Variants in SDHAF4 observed in about 807,000 individuals in gnomAD.
SDHAF4 encodes the protein succinate dehydrogenase complex assembly factor 4, also known as succinate dehydrogenase assembly factor 4, mitochondrial.
SDHAF4 carries 14 observed loss-of-function variants against 14.3 expected under a neutral mutation model. That is an observed-to-expected ratio of 0.98 (90% CI 0.65 to 1.53). The LOEUF (loss-of-function observed/expected upper bound fraction) is 1.53, where lower values mean the gene tolerates loss of function less well. Ranked by LOEUF, SDHAF4 falls within the 40% of genes most tolerant of loss-of-function variation. The probability of loss-of-function intolerance (pLI) is 0.00; values close to 1 mark genes in which losing one functional copy is unlikely to be tolerated. For missense variants in SDHAF4, 141 were observed against 129.3 expected (o/e 1.09, Z -0.44); for synonymous variants, 63 against 47.3 (o/e 1.33, Z -1.36).
At chr6:70,569,979 G>A (rs558921878) in intron 1 of SDHAF4, among the ~76,000 whole-genome samples, 1 of 152,038 alleles carries the variant, frequency 6.6e-6, no homozygotes, top group Non-Finnish European at 1.5e-5. Context: ...CTTGTCCCAG[G>A]TTCATGTATT....
intron 1 of SDHAF4, among the ~76,000 whole-genome samples, chr6:70,569,099 G>A (rs1464159634): frequency 1.3e-5 from 2 of 149,978 alleles, no homozygotes; most frequent in East Asian, 3.9e-4. Flanking sequence ...CCGTGTAGCT[G>A]GGACTACAGG....
At chr6:70,573,104 A>G (rs916594721) in intron 1 of SDHAF4, among the ~76,000 whole-genome samples, 19 of 152,064 alleles carry the variant, frequency 1.2e-4, no homozygotes, top group Admixed American at 2.0e-4. Context: ...CCTTCTGCCA[A>G]GTAGCTAAGA....
chr6:70,576,337 A>C (rs566023815), intron 1 of SDHAF4, among the ~76,000 whole-genome samples: 1 of 152,230 alleles, frequency 6.6e-6, no homozygotes, highest in Admixed American at 6.5e-5. Flanking sequence ...TGGTCTTTCA[A>C]CTTTTCCTTG....
intron 2 of SDHAF4, among the ~76,000 whole-genome samples, chr6:70,587,507 A>T (rs1765215542): frequency 6.6e-6 from 1 of 152,122 alleles, no homozygotes; most frequent in Non-Finnish European, 1.5e-5. Flanking sequence ...AAACAAAACA[A>T]AACAAAGAAT....
rs929488674 is a variant in SDHAF4 at position 70,588,836 on chromosome 6, T to G, written c.*112T>G. The G allele has an allele frequency of 1.5e-5, 6 of 409,190 alleles. No individual in the cohort carries two copies. The highest frequency in any genetic ancestry group is 2.7e-5 in the Non-Finnish European group (6 of 225,646). The allele number at this position is 409,190 out of a possible 1,614,324, so 25.3% of individuals were successfully genotyped here. On this transcript the variant is annotated 3_prime_UTR_variant, in exon 3 of 3. Transcript: ENST00000370474. ...TTTATGTCGTGTAGTTTGTATAATGTGTTTAAATATATATATATATGATGG... is the reference window on the plus strand; with the variant it reads ...TTTATGTCGTGTAGTTTGTATAATGGGTTTAAATATATATATATATGATGG...
chr6:70,588,665 G>A lies in SDHAF4; in HGVS notation c.268G>A (p.Gly90Ser). 6.2e-7 allele frequency: 1 copy of A among 1,602,862 alleles called. No individual in the cohort carries two copies. ...GACCAAAGAAAAAGGTGGACCCAGG[G>A]GCCCAGAACCTACCCGATATGGAGA... is the stretch of plus-strand genomic sequence containing the variant. ...PVTKEKGGPR[G>S]PEPTRYGDWE... is the part of the protein sequence containing the mutation. The change falls in exon 3 of 3, where the codon GGC becomes AGC. Residue 90 changes from glycine (G) to serine (S), a missense_variant. By Grantham distance (56) the Gly-to-Ser change is moderately conservative. Transcript: ENST00000370474.
At chr6:70,586,930 A>G (rs1765207934) in intron 2 of SDHAF4, among the ~76,000 whole-genome samples, 2 of 152,084 alleles carry the variant, frequency 1.3e-5, no homozygotes, top group African/African-American at 2.4e-5. Context: ...GCACTTTGGG[A>G]GGCTGAGGCG....
chr6:70,567,745 G>C (rs1305358428), intron 1 of SDHAF4: 13 of 152,100 alleles, frequency 8.5e-5, no homozygotes, highest in Admixed American at 8.5e-4. Context: ...GAGTGCAGTG[G>C]CGCAATCTCG....
intron 1 of SDHAF4, among the ~76,000 whole-genome samples, chr6:70,575,496 G>A (rs1581927767): frequency 7.0e-6 from 1 of 142,394 alleles, no homozygotes; most frequent in Non-Finnish European, 1.5e-5. Context: ...AAAAAAAAAA[G>A]ACGCAATAAG....
intron 2 of SDHAF4, among the ~76,000 whole-genome samples, chr6:70,587,168 T>TCTCACACACACACACACA (rs1554183341): frequency 3.7e-5 from 5 of 135,448 alleles, no homozygotes; most frequent in African/African-American, 8.5e-5. Flanking sequence ...TGAAACTCCA[T>TCTCACACACACACACACA]CACACACACA....
chr6:70,567,886 C>T (rs539588330), intron 1 of SDHAF4, among the ~76,000 whole-genome samples: 12 of 152,192 alleles, frequency 7.9e-5, no homozygotes, highest in African/African-American at 2.6e-4. Flanking sequence ...GGGGTTTCAC[C>T]GTGTTAGCCA....
chr6:70,571,979 A>G (rs1248405294), intron 1 of SDHAF4, among the ~76,000 whole-genome samples: 1 of 143,528 alleles, frequency 7.0e-6, no homozygotes, highest in East Asian at 2.1e-4. Context: ...TCTTTTTCTC[A>G]TATTATCTAT....
intron 1 of SDHAF4, among the ~76,000 whole-genome samples, chr6:70,570,751 C>T (rs1358807463): frequency 6.6e-6 from 1 of 152,084 alleles, no homozygotes; most frequent in East Asian, 1.9e-4. Flanking sequence ...TGTGATATTG[C>T]AGTCATTTAG....
the SDHAF4 span, among the ~76,000 whole-genome samples, chr6:70,598,031 A>G: frequency 5.3e-5 from 8 of 152,226 alleles, no homozygotes; most frequent in Admixed American, 2.6e-4. Flanking sequence ...ATTAACAAGT[A>G]TTCAATATTA....
rs1430087940 is a variant in SDHAF4 at position 70,570,177 on chromosome 6, CTGT to C, written c.64+3178_64+3180del. 1.1e-4 allele frequency among the ~76,000 whole-genome samples: 16 copies of C among 152,242 alleles called. No homozygotes were observed. The South Asian group carries it at 2.9e-3, about 28-fold the overall frequency. ...TGTTATAAATCTTACTATTTTCTGA[CTGT>C]TGTTTATGTACAGAAACATGATGCT... On this transcript the variant is annotated intron_variant, in intron 1 of 2. Transcript: ENST00000370474.
chr6:70,596,559 T>G, the SDHAF4 span: 1 of 152,260 alleles, frequency 6.6e-6, no homozygotes, highest in Non-Finnish European at 1.5e-5. Flanking sequence ...GGATAACTTT[T>G]TAAAAACAAC....
At chr6:70,585,947 T>C (rs989924988) in intron 2 of SDHAF4, among the ~76,000 whole-genome samples, 1 of 152,200 alleles carries the variant, frequency 6.6e-6, no homozygotes, top group African/African-American at 2.4e-5. Flanking sequence ...GCCGTATGCC[T>C]TTTCTTCTGT....
Position 70,588,842 on chromosome 6 carries a change from A to AATATATATAGATAT in SDHAF4, c.*127_*128insGATATATATATATA. 1 of 339,216 alleles carries AATATATATAGATAT rather than the reference A, an allele frequency of 2.9e-6. No homozygotes were observed. The highest frequency in any genetic ancestry group is 4.3e-5 in the Admixed American group (1 of 23,286). 21.0% of individuals were successfully genotyped at this position (339,216 alleles called of 1,614,324 possible). A position where few individuals can be genotyped will look rare whatever the true frequency, so the allele number is the denominator to read the frequency against. On this transcript the variant is annotated 3_prime_UTR_variant, in exon 3 of 3. Coordinates refer to ENST00000370474, the MANE Select transcript of SDHAF4 (RefSeq NM_145267.3). ...TCGTGTAGTTTGTATAATGTGTTTA[A>AATATATATAGATAT]ATATATATATATATGATGGCTTTGG... is the stretch of plus-strand genomic sequence containing the variant.
chr6:70,576,897 A>G (rs1460527577), intron 1 of SDHAF4, among the ~76,000 whole-genome samples: 1 of 152,214 alleles, frequency 6.6e-6, no homozygotes, highest in African/African-American at 2.4e-5. Flanking sequence ...TTGCTGCTGT[A>G]ACATATTACC....
Sources: allele counts gnomAD v4.1 joint callset (sites outside exome capture counted in the v4.1 genomes callset), GRCh38; gene constraint gnomAD v4.1.1; transcripts MANE v1.5; gene names NCBI Gene and HGNC (gene_info 2026-07-23, HGNC 2026-07-21).